CIITA: variants seen among roughly 807,000 people sequenced by gnomAD.
CIITA encodes the protein class II major histocompatibility complex transactivator, also known as MHC class II transactivator.
Under a neutral mutation model 115.1 loss-of-function variants are expected in CIITA, and 72 were observed. That is an observed-to-expected ratio of 0.63 (90% CI 0.52 to 0.76). The LOEUF (loss-of-function observed/expected upper bound fraction) is 0.76. CIITA is among the 30% of genes least tolerant of loss of function. The pLI, the probability that CIITA is intolerant of heterozygous loss-of-function variation, is 0.00. For missense variants in CIITA, 1,617 were observed against 1,463.8 expected, an observed-to-expected ratio of 1.10 and a Z score of -1.71; for synonymous variants, 763 against 635.6, an observed-to-expected ratio of 1.20 and a Z score of -3.02.
At chr16:10,903,582 C>A (rs913047797) in intron 8 of CIITA, 149 bp from the exon 9 acceptor site, 2 of 854,398 alleles carry the variant, frequency 2.3e-6, no homozygotes, top group African/African-American at 1.7e-5. Flanking sequence ...TTCTTCAGCT[C>A]TGTCCTGAAA....
chr16:10,891,700 G>C (rs2037599167), intron 1 of CIITA, among the ~76,000 whole-genome samples: 1 of 152,204 alleles, frequency 6.6e-6, no homozygotes, highest in Admixed American at 6.5e-5. Context: ...TTTTCTCACT[G>C]CTCTGAGAGA....
In CIITA at chr16:10,925,645, G is replaced by A. The variant is rs945188164; in HGVS notation, c.*1790G>A. On this transcript the variant is annotated 3_prime_UTR_variant, in exon 20 of 20. Transcript: ENST00000324288. ...ATATTCTGTTGGCCAGTGTGACAAG[G>A]ATTGCTACTGTCCTACCCACCCTCC... The A allele has an allele frequency of 2.6e-5, 4 of 152,390 alleles. No homozygotes were observed. Among genetic ancestry groups the A allele is most frequent in the African/African-American group, 9.6e-5 (4 of 41,458 alleles). 9.4% of individuals were successfully genotyped at this position (152,390 alleles called of 1,614,324 possible).
intron 7 of CIITA, 27 bp downstream of exon 7, chr16:10,902,211 G>A (rs1345675127): frequency 1.2e-6 from 2 of 1,613,620 alleles, no homozygotes; most frequent in Non-Finnish European, 1.7e-6. Context: ...GGAGAGAGTG[G>A]GCTTTCTCCC....
Position 10,934,469 on chromosome 16 carries a change from G to A in CIITA, c.*10614G>A, listed in dbSNP as rs12051301. 150,155 of 152,342 alleles carry A rather than the reference G, an allele frequency of 0.99. 74,027 individuals carry two copies. Among genetic ancestry groups the A allele is most frequent in the Middle Eastern group, 1 (296 of 296 alleles). The allele number at this position is 152,342 out of a possible 1,614,324, so 9.4% of individuals were successfully genotyped here. ...TGCTCAGGGGGTGTCGGGGCCCTGA[G>A]AGCTGATCTGATCCGCTGCTGCGTA... is the stretch of plus-strand genomic sequence containing the variant. On this transcript the variant is annotated 3_prime_UTR_variant, in exon 20 of 20. Transcript: ENST00000324288. The surrounding 1 kb of genome is among the most constrained non-coding windows in gnomAD (Gnocchi z 4.2).
At chr16:10,913,278 T>TCTTTCTTTCTATCC (rs760095431) in intron 13 of CIITA, among the ~76,000 whole-genome samples, 3 of 45,468 alleles carry the variant, frequency 6.6e-5, no homozygotes, top group African/African-American at 2.4e-4. Flanking sequence ...TTCCCTCCTT[T>TCTTTCTTTCTATCC]CTTTCTTTCT....
chr16:10,897,610 T>C (rs2038263196), intron 3 of CIITA, among the ~76,000 whole-genome samples: 1 of 152,228 alleles, frequency 6.6e-6, no homozygotes, highest in Non-Finnish European at 1.5e-5. Flanking sequence ...AAGTATTCTT[T>C]TGCAGCATCC....
intron 2 of CIITA, 89 bp from the exon 3 acceptor site, chr16:10,895,580 T>C: frequency 6.4e-7 from 1 of 1,567,450 alleles, no homozygotes; most frequent in Non-Finnish European, 8.7e-7. Context: ...ATGGGGATGA[T>C]CTCCCAGCCC....
At chr16:10,905,871 G>A (rs1156436628) in intron 10 of CIITA, among the ~76,000 whole-genome samples, 1 of 151,786 alleles carries the variant, frequency 6.6e-6, no homozygotes, top group Admixed American at 6.6e-5. Context: ...AGTGGTGGGT[G>A]ACTGAATGAA....
rs533693689 is a variant in CIITA, at chr16:10,900,152, G to C, written c.436+1150G>C. Reference sequence around the variant, plus strand: ...CCCACTCCTGTTCTGTAGTCCCTCAGTTTTGCTCCTATCTTAGTCAACCTA... The same window carrying C: ...CCCACTCCTGTTCTGTAGTCCCTCACTTTTGCTCCTATCTTAGTCAACCTA... On this transcript the variant is annotated intron_variant, in intron 5 of 19. Transcript: ENST00000324288. Among the ~76,000 whole-genome samples the C allele has an allele frequency of 8.5e-5, 13 of 152,256 alleles. 2 individuals are homozygous for C. In the South Asian group the frequency reaches 2.1e-3, roughly 24 times the overall value.
chr16:10,911,515 T>G (rs1398669580), intron 13 of CIITA, among the ~76,000 whole-genome samples: 4 of 148,256 alleles, frequency 2.7e-5, no homozygotes, highest in African/African-American at 9.9e-5. Flanking sequence ...CTTCCCTCCC[T>G]TCCTTCTCTT....
chr16:10,893,274 T>G (rs939570042), intron 1 of CIITA, among the ~76,000 whole-genome samples: 6 of 152,142 alleles, frequency 3.9e-5, no homozygotes, highest in Non-Finnish European at 8.8e-5. Flanking sequence ...TGCTGGTACC[T>G]TGTTTCAGCA....
chr16:10,909,827 T>C (rs1335939087), intron 12 of CIITA, among the ~76,000 whole-genome samples: 4 of 152,174 alleles, frequency 2.6e-5, no homozygotes, highest in Non-Finnish European at 5.9e-5. Flanking sequence ...TCGGAACTCC[T>C]GAGCTCAAGC....
intron 9 of CIITA, among the ~76,000 whole-genome samples, 195 bp downstream of exon 9, chr16:10,904,090 A>G (rs1045606241): frequency 2.6e-5 from 4 of 152,212 alleles, no homozygotes; most frequent in Non-Finnish European, 5.9e-5. Flanking sequence ...GAGAATCCAC[A>G]TCCCATCCAA....
chr16:10,869,984 G>A (rs1444599653), intron 1 of CIITA, among the ~76,000 whole-genome samples: 1 of 151,974 alleles, frequency 6.6e-6, no homozygotes, highest in East Asian at 1.9e-4. Context: ...TTTGTTGAAT[G>A]TTCAGTGGAT....
intron 1 of CIITA, among the ~76,000 whole-genome samples, chr16:10,891,816 C>A (rs766096870): frequency 4.6e-5 from 7 of 152,168 alleles, no homozygotes; most frequent in Non-Finnish European, 7.4e-5. Flanking sequence ...GGGCGGTGGC[C>A]CCATCTTTCA....
At position 10,908,005 on chromosome 16, in the gene CIITA, C is replaced by G; in HGVS notation, c.2513C>G (p.Thr838Ser). 1 of 1,598,310 alleles carries G rather than the reference C, an allele frequency of 6.3e-7. No homozygotes were observed. Among genetic ancestry groups the G allele is most frequent in the Non-Finnish European group, 8.5e-7 (1 of 1,169,966 alleles). The change falls in exon 11 of 20, where the codon ACC (threonine) becomes AGC (serine). Residue 838 changes from threonine (T) to serine (S), a missense_variant. Thr to Ser is a moderately conservative substitution (Grantham distance 58). Coordinates refer to ENST00000324288, the MANE Select transcript of CIITA (RefSeq NM_000246.4). Reference sequence around the variant, plus strand: ...CCCGGCCGCCTCTCTTTTCTGGGCACCCGCCTCACGCCTCCTGATGCACAT... The same window carrying G: ...CCCGGCCGCCTCTCTTTTCTGGGCAGCCGCCTCACGCCTCCTGATGCACAT... ...ELPGRLSFLG[T>S]RLTPPDAHVL...
At chr16:10,902,286 C>T in intron 7 of CIITA, 102 bp downstream of exon 7, 1 of 1,491,476 alleles carries the variant, frequency 6.7e-7, no homozygotes, top group Non-Finnish European at 9.1e-7. Flanking sequence ...CCTCACCTCT[C>T]CCCAACCCTA....
intron 5 of CIITA, among the ~76,000 whole-genome samples, chr16:10,900,028 C>A (rs1287557114): frequency 6.6e-6 from 1 of 152,080 alleles, no homozygotes; most frequent in African/African-American, 2.4e-5. Context: ...TTGCAGTGAG[C>A]TAAGATCACG....
At chr16:10,870,614 G>A (rs897654697) in intron 1 of CIITA, among the ~76,000 whole-genome samples, 4 of 152,228 alleles carry the variant, frequency 2.6e-5, no homozygotes, top group Non-Finnish European at 5.9e-5. Context: ...GCTGGAGGCT[G>A]GACAGCTGGA....
Sources: allele counts gnomAD v4.1 joint callset (sites outside exome capture counted in the v4.1 genomes callset), GRCh38; gene constraint gnomAD v4.1.1; non-coding constraint Gnocchi (gnomAD v3.1); transcripts MANE v1.5; gene names NCBI Gene and HGNC (gene_info 2026-07-23, HGNC 2026-07-21).